The following FBRSL1 variants were observed in gnomAD, a reference collection of about 807,000 sequenced individuals.
The protein encoded by FBRSL1 is fibrosin like 1, also known as fibrosin-1-like protein.
A neutral mutation model predicts 89.6 loss-of-function variants in FBRSL1; 51 were observed. That is an observed-to-expected ratio of 0.57 (90% CI 0.45 to 0.72). FBRSL1 has a LOEUF of 0.72. Among genes scored for constraint, FBRSL1 ranks in the 30% least tolerant of loss-of-function variants. The probability of loss-of-function intolerance (pLI) is 0.00; values close to 1 mark genes in which losing one functional copy is unlikely to be tolerated. For synonymous variants in FBRSL1, 779 were observed against 681.1 expected, an observed-to-expected ratio of 1.14 and a Z score of -2.24; for missense variants, 1,618 against 1,451.8, an observed-to-expected ratio of 1.11 and a Z score of -1.86.
chr12:132,517,856 G>A (rs1380546401), intron 2 of FBRSL1, among the ~76,000 whole-genome samples: 7 of 152,134 alleles, frequency 4.6e-5, no homozygotes, highest in African/African-American at 1.2e-4. Context: ...GGCGCCTGTC[G>A]GGAGGCTGCT....
At chr12:132,521,545 C>T (rs1357231186) in intron 2 of FBRSL1, among the ~76,000 whole-genome samples, 1 of 152,196 alleles carries the variant, frequency 6.6e-6, no homozygotes, top group Non-Finnish European at 1.5e-5. Flanking sequence ...CTCACCCTCG[C>T]TCCCAGGCCT....
chr12:132,569,454 G>A (rs764212222), intron 6 of FBRSL1, among the ~76,000 whole-genome samples: 2 of 152,152 alleles, frequency 1.3e-5, no homozygotes, highest in Non-Finnish European at 2.9e-5. Context: ...TTGGGGTGGG[G>A]CAGACCCATG....
intron 5 of FBRSL1, among the ~76,000 whole-genome samples, chr12:132,566,892 G>A (rs1455948993): frequency 6.6e-6 from 1 of 151,698 alleles, no homozygotes; most frequent in Non-Finnish European, 1.5e-5. Flanking sequence ...ATAGCGCGGT[G>A]TCCTGTGGGC....
chr12:132,498,646 G>A (rs1170716143), intron 1 of FBRSL1, among the ~76,000 whole-genome samples: 2 of 152,216 alleles, frequency 1.3e-5, no homozygotes, highest in East Asian at 1.9e-4. Flanking sequence ...GGGAGGTGCC[G>A]GGGCCCCTTG....
At chr12:132,562,002 C>T (rs2039168081) in intron 5 of FBRSL1, among the ~76,000 whole-genome samples, 1 of 152,108 alleles carries the variant, frequency 6.6e-6, no homozygotes, top group South Asian at 2.1e-4. Context: ...TGGGGAGCCG[C>T]AGTGCCCCCT....
At chr12:132,572,497 C>G in intron 10 of FBRSL1, 30 bp from the exon 11 acceptor site, 1 of 1,525,942 alleles carries the variant, frequency 6.6e-7, no homozygotes, top group Non-Finnish European at 8.9e-7. Context: ...GACTTGGGCC[C>G]CCCCTCCATC....
chr12:132,559,547 A>G (rs1469869301), intron 5 of FBRSL1, among the ~76,000 whole-genome samples: 2 of 150,772 alleles, frequency 1.3e-5, no homozygotes, highest in Non-Finnish European at 3.0e-5. Flanking sequence ...GCGTGCCGCC[A>G]CCTCCGGCTA....
At position 132,583,455 on chromosome 12, in the gene FBRSL1, G is replaced by C; in HGVS notation, c.2686G>C (p.Glu896Gln). 1 of 1,062,426 alleles carries C rather than the reference G, an allele frequency of 9.4e-7. No homozygotes were observed. Among genetic ancestry groups the C allele is most frequent in the Non-Finnish European group, 1.1e-6 (1 of 878,436 alleles). The allele number at this position is 1,062,426 out of a possible 1,614,324, so 65.8% of individuals were successfully genotyped here. A position where few individuals can be genotyped will look rare whatever the true frequency, so the allele number is the denominator to read the frequency against. ...RDREPHGYSP[E>Q]RLRGELERAR... is the part of the protein sequence containing the mutation. ...CCGCGAGCCCCACGGCTACAGCCCC[G>C]AGCGCCTGCGCGGGGAGCTGGAGCG... Residue 896 changes from glutamate (E) to glutamine (Q), a missense_variant, in exon 19 of 19, where the codon GAG becomes CAG. Transcript: ENST00000680143.
intron 2 of FBRSL1, among the ~76,000 whole-genome samples, chr12:132,513,795 G>A (rs560536855): frequency 6.6e-6 from 1 of 152,164 alleles, no homozygotes; most frequent in African/African-American, 2.4e-5. Context: ...CCAACCCCAC[G>A]AGGGGCCTGG....
At chr12:132,520,345 C>T (rs1386614310) in intron 2 of FBRSL1, among the ~76,000 whole-genome samples, 1 of 152,158 alleles carries the variant, frequency 6.6e-6, no homozygotes, top group Non-Finnish European at 1.5e-5. Flanking sequence ...CCCCAGGGCT[C>T]TCCCATCTCT....
At chr12:132,492,216 C>A (rs1405618781) in intron 1 of FBRSL1, among the ~76,000 whole-genome samples, 2 of 152,232 alleles carry the variant, frequency 1.3e-5, no homozygotes, top group East Asian at 1.9e-4. Context: ...CTAACCGCGG[C>A]TTCCTCACTG....
chr12:132,502,389 G>C (rs1457534419), intron 1 of FBRSL1, among the ~76,000 whole-genome samples: 2 of 152,222 alleles, frequency 1.3e-5, no homozygotes, highest in Non-Finnish European at 2.9e-5. Flanking sequence ...GAGGAATCCT[G>C]CGGAAGGCCT....
In FBRSL1 at chr12:132,510,284, G is replaced by T. The variant is rs1593284067; in HGVS notation, c.489+1934G>T. On this transcript the variant is annotated intron_variant, in intron 2 of 18. Coordinates refer to ENST00000680143, the MANE Select transcript of FBRSL1 (RefSeq NM_001367871.1). ...CCTGCCGGCCTCTCCTGGGGCTCCT[G>T]TGCCAGCCGCGGCGGTCCCTATTGG... 3 of 1,230,414 alleles carry T rather than the reference G, an allele frequency of 2.4e-6. No homozygotes were observed. In the East Asian group the frequency reaches 9.5e-5, roughly 39 times the overall value. The allele number at this position is 1,230,414 out of a possible 1,614,324, so 76.2% of individuals were successfully genotyped here.
At chr12:132,510,112 A>G in intron 2 of FBRSL1, 1 of 1,225,186 alleles carries the variant, frequency 8.2e-7, no homozygotes, top group Non-Finnish European at 1.0e-6. Context: ...GGCCCGGAGC[A>G]GCCCTGCCCA....
chr12:132,543,276 G>C (rs1302983304), intron 4 of FBRSL1, among the ~76,000 whole-genome samples: 1 of 152,252 alleles, frequency 6.6e-6, no homozygotes, highest in Non-Finnish European at 1.5e-5. Context: ...TGAGGAAACA[G>C]GCTCGGAGAA....
rs372612224 is a variant in FBRSL1, at chr12:132,572,008, C to A, written c.1378-280C>A. ...GCGCGACCCAGCAGCCAGGGCTTCA[C>A]GCCCCAGGCCTCAGCCAGGCACACA... On this transcript the variant is annotated intron_variant, in intron 9 of 18. Transcript: ENST00000680143. 2.8e-4 allele frequency: 144 copies of A among 513,480 alleles called. 7 individuals are homozygous for A. The highest frequency in any genetic ancestry group is 2.7e-3 in the South Asian group (89 of 33,468). 31.8% of individuals were successfully genotyped at this position (513,480 alleles called of 1,614,324 possible).
chr12:132,575,378 T>G (rs2040318321), intron 14 of FBRSL1, among the ~76,000 whole-genome samples: 1 of 152,188 alleles, frequency 6.6e-6, no homozygotes, highest in South Asian at 2.1e-4. Context: ...CAGGCGACCG[T>G]CACCACACCC....
chr12:132,525,868 G>T, intron 3 of FBRSL1, 45 bp downstream of exon 3: 1 of 1,472,392 alleles, frequency 6.8e-7, no homozygotes, highest in Non-Finnish European at 9.3e-7. Flanking sequence ...AGTCTGGGCC[G>T]CCTGCCCGCT....
intron 1 of FBRSL1, among the ~76,000 whole-genome samples, chr12:132,496,655 T>C (rs2032080990): frequency 6.6e-6 from 1 of 152,312 alleles, no homozygotes; most frequent in Admixed American, 6.5e-5. Context: ...GATTTGTGAG[T>C]GTGTCCAGAG....
Sources: gnomAD v4.1 joint callset for allele counts (sites outside exome capture counted in the v4.1 genomes callset) on GRCh38, gnomAD v4.1.1 for gene constraint, MANE v1.5 for transcripts, NCBI Gene and HGNC (gene_info 2026-07-23, HGNC 2026-07-21) for gene names.